The following GATAD2B variants were observed in gnomAD, a reference collection of about 807,000 sequenced individuals.
GATAD2B encodes the protein transcriptional repressor p66-beta.
Under a neutral mutation model 64.3 loss-of-function variants are expected in GATAD2B, and 8 were observed. The ratio of observed to expected loss-of-function variants is 0.12; its 90% CI spans 0.07 to 0.22. GATAD2B has a LOEUF of 0.22. Ranked by LOEUF, GATAD2B falls within the 10% of genes least tolerant of loss-of-function variation. The pLI is 1.00. For missense variants in GATAD2B, 453 were observed against 752.0 expected (o/e 0.60, Z 4.65); for synonymous variants, 281 against 271.3 (o/e 1.04, Z -0.35).
chr1:153,832,359 A>G (rs1408014585), intron 1 of GATAD2B, among the ~76,000 whole-genome samples: 1 of 152,262 alleles, frequency 6.6e-6, no homozygotes, highest in Non-Finnish European at 1.5e-5. Flanking sequence ...TGCACTGGCA[A>G]GATCAAACCA....
chr1:153,828,267 G>T lies in GATAD2B; in HGVS notation c.81C>A (p.Val27=), dbSNP rs1181273821. ...CCTCCATTTTGAGTCGCTTTGCCAGGACATCATCTCGCTCATCTGCTGGGT... is the reference window on the plus strand; with the variant it reads ...CCTCCATTTTGAGTCGCTTTGCCAGTACATCATCTCGCTCATCTGCTGGGT... The part of the protein sequence containing the change: ...SLDPADERDD[V]LAKRLKMEGH... The change falls in exon 2 of 11, where the codon GTC becomes GTA. Residue 27 remains valine, a synonymous_variant. Transcript: ENST00000368655. 6 of 1,613,910 alleles carry T rather than the reference G, an allele frequency of 3.7e-6. No individual in the cohort carries two copies. Among genetic ancestry groups the T allele is most frequent in the Non-Finnish European group, 3.4e-6 (4 of 1,180,046 alleles).
At chr1:153,818,566 G>A (rs1040208326) in intron 4 of GATAD2B, among the ~76,000 whole-genome samples, 4 of 151,602 alleles carry the variant, frequency 2.6e-5, no homozygotes, top group Non-Finnish European at 5.9e-5. Context: ...CACCCGCCTC[G>A]GCCTCCCAAA....
At chr1:153,905,019 T>C (rs1028537660) in intron 1 of GATAD2B, among the ~76,000 whole-genome samples, 1 of 151,878 alleles carries the variant, frequency 6.6e-6, no homozygotes, top group African/African-American at 2.4e-5. Context: ...ATTTTTGTCT[T>C]CTTTAGTAGA....
At chr1:153,838,053 T>C (rs1675336736) in intron 1 of GATAD2B, among the ~76,000 whole-genome samples, 1 of 152,216 alleles carries the variant, frequency 6.6e-6, no homozygotes, top group Non-Finnish European at 1.5e-5. Flanking sequence ...AAGTAGGTAG[T>C]ATTGTTTCTA....
chr1:153,898,085 C>T (rs991801763), intron 1 of GATAD2B, among the ~76,000 whole-genome samples: 2 of 150,790 alleles, frequency 1.3e-5, no homozygotes, highest in African/African-American at 4.9e-5. Context: ...AGGCCAATCG[C>T]TTCAGTCCAG....
Position 153,853,109 on chromosome 1 carries a change from T to G in GATAD2B, c.-1-24761A>C, listed in dbSNP as rs189324155. On this transcript the variant is annotated intron_variant, in intron 1 of 10. Coordinates refer to ENST00000368655, the MANE Select transcript of GATAD2B (RefSeq NM_020699.4). ...CTTTGGCATTGGCAACAACCTGAGTTGATGGCTGATTCAGAATAGGCAGTC... is the reference window on the plus strand; with the variant it reads ...CTTTGGCATTGGCAACAACCTGAGTGGATGGCTGATTCAGAATAGGCAGTC... 1.5e-4 allele frequency: 215 copies of G among 1,471,944 alleles called. 1 individual carries two copies. The African/African-American group carries it at 2.6e-3, about 18-fold the overall frequency. The allele number at this position is 1,471,944 out of a possible 1,614,324, so 91.2% of individuals were successfully genotyped here.
At chr1:153,876,227 C>CAAAAAAAACAAAAAAA (rs1676826897) in intron 1 of GATAD2B, among the ~76,000 whole-genome samples, 1 of 48,406 alleles carries the variant, frequency 2.1e-5, no homozygotes, top group Non-Finnish European at 3.5e-5. Context: ...GACTTCGTCT[C>CAAAAAAAACAAAAAAA]AAAAAAAAAA....
intron 1 of GATAD2B, among the ~76,000 whole-genome samples, chr1:153,889,359 C>T (rs1677287469): frequency 7.1e-6 from 1 of 140,750 alleles, no homozygotes; most frequent in Non-Finnish European, 1.5e-5. Context: ...TTCTGGTGAA[C>T]CGAGATCGTG....
rs112614667 is a variant in GATAD2B, at chr1:153,855,225, G to GT, written c.-1-26878dup. On this transcript the variant is annotated intron_variant, in intron 1 of 10. Coordinates refer to ENST00000368655, the MANE Select transcript of GATAD2B (RefSeq NM_020699.4). ...TAACTGTAGCATTAGCTTTCTTTTTGTTTTTTTTTTTTGTTGTTGTTGTTT... is the reference window on the plus strand; with the variant it reads ...TAACTGTAGCATTAGCTTTCTTTTTGTTTTTTTTTTTTTGTTGTTGTTGTTT... Among the ~76,000 whole-genome samples, 232 of 142,312 alleles carry GT rather than the reference G, an allele frequency of 1.6e-3. 1 individual carries two copies. Among genetic ancestry groups the GT allele is most frequent in the Middle Eastern group, 3.6e-3 (1 of 280 alleles). 93.4% of individuals were successfully genotyped at this position (142,312 alleles called of 152,430 possible).
At chr1:153,885,039 G>A (rs1301417100) in intron 1 of GATAD2B, among the ~76,000 whole-genome samples, 1 of 152,088 alleles carries the variant, frequency 6.6e-6, no homozygotes, top group Non-Finnish European at 1.5e-5. Flanking sequence ...TTACAGGTGT[G>A]AGCCAATGTG....
In GATAD2B at chr1:153,807,809, T is replaced by G. The variant is rs1306015256; in HGVS notation, c.*2368A>C. ...TCTGTTCCTTACTTTTAATCTCAAC[T>G]GACAAACTTGGGCATCTCGTACCTC... On this transcript the variant is annotated 3_prime_UTR_variant, in exon 11 of 11. Coordinates refer to ENST00000368655, the MANE Select transcript of GATAD2B (RefSeq NM_020699.4). 6.6e-6 allele frequency: 1 copy of G among 152,490 alleles called. No individual in the cohort carries two copies. The highest frequency in any genetic ancestry group is 2.4e-5 in the African/African-American group (1 of 41,378). 9.4% of individuals were successfully genotyped at this position (152,490 alleles called of 1,614,324 possible).
intron 3 of GATAD2B, 95 bp downstream of exon 3, chr1:153,819,511 G>A (rs1483994044): frequency 1.1e-6 from 1 of 901,584 alleles, no homozygotes; most frequent in African/African-American, 1.7e-5. Context: ...TATATCCAAA[G>A]AGTAAATAGT....
intron 1 of GATAD2B, among the ~76,000 whole-genome samples, chr1:153,891,031 A>G (rs934894714): frequency 2.6e-5 from 4 of 151,912 alleles, no homozygotes; most frequent in African/African-American, 9.7e-5. Context: ...TAAAAATACA[A>G]AAATTAGCCA....
chr1:153,817,354 GGCTCA>G lies in GATAD2B; in HGVS notation c.900+13_900+17del. ...AGGGATTTCTCTGTTTCCACATTAGGGCTCAGCTCTCTCTTACCGGTTGATAATTG... is the reference window on the plus strand; with the variant it reads ...AGGGATTTCTCTGTTTCCACATTAGGGCTCTCTCTTACCGGTTGATAATTG... On this transcript the variant is annotated intron_variant, in intron 6 of 10. Coordinates refer to ENST00000368655, the MANE Select transcript of GATAD2B (RefSeq NM_020699.4). 6.6e-7 allele frequency: 1 copy of G among 1,512,924 alleles called. No homozygotes were observed. The highest frequency in any genetic ancestry group is 8.8e-7 in the Non-Finnish European group (1 of 1,130,032). The allele number at this position is 1,512,924 out of a possible 1,614,324, so 93.7% of individuals were successfully genotyped here.
intron 2 of GATAD2B, among the ~76,000 whole-genome samples, chr1:153,824,612 T>TAAAAAA (rs771879855): frequency 1.0e-5 from 1 of 96,662 alleles, no homozygotes; most frequent in Non-Finnish European, 1.9e-5. Context: ...ACTCTGCCTT[T>TAAAAAA]AAAAAAAAAA....
intron 4 of GATAD2B, 61 bp downstream of exon 4, chr1:153,818,730 C>A (rs1674572730): frequency 6.5e-7 from 1 of 1,526,732 alleles, no homozygotes; most frequent in African/African-American, 1.4e-5. Context: ...CCTGGGGGAA[C>A]CTACTCTCAA....
At chr1:153,847,207 T>A (rs908347265) in intron 1 of GATAD2B, among the ~76,000 whole-genome samples, 1 of 152,124 alleles carries the variant, frequency 6.6e-6, no homozygotes, top group Non-Finnish European at 1.5e-5. Flanking sequence ...CCTCAAGTGA[T>A]CCGCCTGCCT....
intron 1 of GATAD2B, among the ~76,000 whole-genome samples, chr1:153,893,955 TAAAAAAAAAAA>T (rs57287798): frequency 4.4e-5 from 3 of 68,632 alleles, no homozygotes; most frequent in Non-Finnish European, 7.3e-5. Context: ...AGACTCCATC[TAAAAAAAAAAA>T]AAAAAAAAAA....
intron 1 of GATAD2B, among the ~76,000 whole-genome samples, chr1:153,915,108 A>C (rs926066879): frequency 6.6e-6 from 1 of 152,142 alleles, no homozygotes; most frequent in Non-Finnish European, 1.5e-5. Flanking sequence ...CTATAATCCC[A>C]GCTACTCAGG....
Sources: gnomAD v4.1 joint callset for allele counts (sites outside exome capture counted in the v4.1 genomes callset) on GRCh38, gnomAD v4.1.1 for gene constraint, MANE v1.5 for transcripts, NCBI Gene and HGNC (gene_info 2026-07-23, HGNC 2026-07-21) for gene names.